TAFA5: variants seen among roughly 807,000 people sequenced by gnomAD.
TAFA5 encodes the protein chemokine-like protein TAFA-5.
TAFA5 carries 6 observed loss-of-function variants against 15.3 expected under a neutral mutation model. The ratio of observed to expected loss-of-function variants is 0.39; its 90% CI spans 0.21 to 0.77. TAFA5 has a LOEUF of 0.77. Ranked by LOEUF, TAFA5 falls within the 30% of genes least tolerant of loss-of-function variation. TAFA5 has a pLI of 0.41. For missense variants in TAFA5, 161 were observed against 193.1 expected, an observed-to-expected ratio of 0.83 and a Z score of 0.98; for synonymous variants, 103 against 80.7, an observed-to-expected ratio of 1.28 and a Z score of -1.48.
intron 1 of TAFA5, among the ~76,000 whole-genome samples, chr22:48,634,353 C>T (rs1186142014): frequency 2.6e-5 from 4 of 152,138 alleles, no homozygotes; most frequent in Admixed American, 2.6e-4. Flanking sequence ...CATTCACCCA[C>T]TCATCACTCA....
intron 1 of TAFA5, among the ~76,000 whole-genome samples, chr22:48,556,413 T>G (rs1329187597): frequency 6.6e-6 from 1 of 152,208 alleles, no homozygotes; most frequent in African/African-American, 2.4e-5. Flanking sequence ...GGAATTACAT[T>G]ATTTAGGAGC....
rs767281951 is a variant in TAFA5 at position 48,742,564 on chromosome 22, G to A, written c.391-7275G>A. On this transcript the variant is annotated intron_variant, in intron 3 of 3. Coordinates refer to ENST00000402357, the MANE Select transcript of TAFA5 (RefSeq NM_001082967.3). This position sits in a 1 kb window ranked among gnomAD's most constrained non-coding sequence, Gnocchi z 6.2. ...CCGGCCGCATGGTGGACCAGGCAAC[G>A]TGGTAGACTGGGCAGCGTGATGGAC... Among the ~76,000 whole-genome samples the A allele has an allele frequency of 7.3e-5, 11 of 151,674 alleles. No homozygotes were observed. The highest frequency in any genetic ancestry group is 1.3e-4 in the Admixed American group (2 of 15,232).
intron 1 of TAFA5, among the ~76,000 whole-genome samples, chr22:48,574,988 G>T (rs1359218280): frequency 1.4e-4 from 21 of 152,230 alleles, no homozygotes; most frequent in Admixed American, 1.4e-3. Context: ...TGGCTGGAGG[G>T]TGGTACACAG....
chr22:48,730,385 CAA>C (rs130204), intron 3 of TAFA5, among the ~76,000 whole-genome samples: 3,803 of 147,202 alleles, frequency 0.026, 149 homozygotes, highest in African/African-American at 0.088. Context: ...GACTGTGTCT[CAA>C]AAAAAAAAGA....
At chr22:48,551,792 A>T (rs369661033) in intron 1 of TAFA5, among the ~76,000 whole-genome samples, 2 of 152,180 alleles carry the variant, frequency 1.3e-5, no homozygotes, top group African/African-American at 2.4e-5. Context: ...ACCCTTCTCC[A>T]GGAGAGCCGC....
intron 1 of TAFA5, among the ~76,000 whole-genome samples, chr22:48,608,029 C>G (rs74820356): frequency 2.0e-5 from 3 of 151,404 alleles, no homozygotes; most frequent in African/African-American, 7.3e-5. Flanking sequence ...TCTCACACCA[C>G]GACAGCTCAG....
At chr22:48,633,874 T>G (rs552585904) in intron 1 of TAFA5, among the ~76,000 whole-genome samples, 3 of 152,230 alleles carry the variant, frequency 2.0e-5, no homozygotes, top group Non-Finnish European at 4.4e-5. Flanking sequence ...TGATTTGATT[T>G]CTCAGGGATG....
intron 3 of TAFA5, among the ~76,000 whole-genome samples, chr22:48,743,063 C>T (rs560655527): frequency 6.6e-6 from 1 of 152,148 alleles, no homozygotes; most frequent in African/African-American, 2.4e-5. Flanking sequence ...CTCCGGGAGC[C>T]GCTGGAACAA....
chr22:48,747,729 T>C (rs1930368248), intron 3 of TAFA5, among the ~76,000 whole-genome samples: 1 of 151,942 alleles, frequency 6.6e-6, no homozygotes, highest in African/African-American at 2.4e-5. Flanking sequence ...AAAGTCCATC[T>C]CTACTAAAAA....
intron 1 of TAFA5, among the ~76,000 whole-genome samples, chr22:48,634,454 C>T (rs143115912): frequency 2.0e-5 from 3 of 151,380 alleles, no homozygotes; most frequent in African/African-American, 7.3e-5. Flanking sequence ...CTCATTTAGT[C>T]ACTCACTCAT....
At chr22:48,529,901 AAG>A (rs1250545752) in intron 1 of TAFA5, among the ~76,000 whole-genome samples, 9 of 152,064 alleles carry the variant, frequency 5.9e-5, no homozygotes, top group Non-Finnish European at 4.4e-5. Flanking sequence ...CTCTGGAAGA[AAG>A]AGCTTCCAGG....
At chr22:48,691,637 C>T (rs888698863) in intron 2 of TAFA5, among the ~76,000 whole-genome samples, 15 of 152,226 alleles carry the variant, frequency 9.9e-5, no homozygotes, top group Non-Finnish European at 1.8e-4. Flanking sequence ...GCTGCAGGCG[C>T]TCAGTCCTGC....
chr22:48,742,489 G>A lies in TAFA5; in HGVS notation c.391-7350G>A, dbSNP rs1930207747. On this transcript the variant is annotated intron_variant, in intron 3 of 3. Coordinates refer to ENST00000402357, the MANE Select transcript of TAFA5 (RefSeq NM_001082967.3). The surrounding 1 kb of genome is among the most constrained non-coding windows in gnomAD (Gnocchi z 6.2). ...GGCGGAGCTGGCGGCGCAGTGGAGC[G>A]GGCGTTGTGGTGGACCCGGTGGCGT... 6.6e-6 allele frequency among the ~76,000 whole-genome samples: 1 copy of A among 152,176 alleles called. No homozygotes were observed.
At chr22:48,538,651 C>T (rs1326910613) in intron 1 of TAFA5, among the ~76,000 whole-genome samples, 1 of 152,174 alleles carries the variant, frequency 6.6e-6, no homozygotes. Context: ...CAGGTCTCTT[C>T]CACGCGTCTC....
At chr22:48,656,512 AAAG>A in intron 2 of TAFA5, among the ~76,000 whole-genome samples, 1 of 152,134 alleles carries the variant, frequency 6.6e-6, no homozygotes, top group East Asian at 1.9e-4. Flanking sequence ...CTCAAAAAAA[AAAG>A]AAACAATGAA....
chr22:48,534,690 A>G (rs1241006006), intron 1 of TAFA5, among the ~76,000 whole-genome samples: 1 of 152,076 alleles, frequency 6.6e-6, no homozygotes, highest in Non-Finnish European at 1.5e-5. Context: ...GTTGAAGGAG[A>G]GGCTGCGCCC....
intron 1 of TAFA5, among the ~76,000 whole-genome samples, chr22:48,526,147 C>T (rs932465531): frequency 2.6e-5 from 4 of 152,222 alleles, no homozygotes; most frequent in African/African-American, 9.6e-5. Context: ...TGGCCCTGCC[C>T]GGGTGCTCCC....
intron 1 of TAFA5, among the ~76,000 whole-genome samples, chr22:48,581,739 G>A (rs1924052215): frequency 6.6e-6 from 1 of 152,204 alleles, no homozygotes; most frequent in Non-Finnish European, 1.5e-5. Context: ...GCTCATAGGT[G>A]TTCATATCAT....
chr22:48,624,835 C>T (rs1925972447), intron 1 of TAFA5, among the ~76,000 whole-genome samples: 1 of 152,106 alleles, frequency 6.6e-6, no homozygotes, highest in African/African-American at 2.4e-5. Context: ...TGTGGTGGCT[C>T]ACGCCTGTCA....
Sources: allele counts gnomAD v4.1 joint callset (sites outside exome capture counted in the v4.1 genomes callset), GRCh38; gene constraint gnomAD v4.1.1; non-coding constraint Gnocchi (gnomAD v3.1); transcripts MANE v1.5; gene names NCBI Gene and HGNC (gene_info 2026-07-23, HGNC 2026-07-21).